Variants in ARHGAP18 observed in about 807,000 individuals in gnomAD.
The protein encoded by ARHGAP18 is Rho GTPase activating protein 18.
Under a neutral mutation model 86.2 loss-of-function variants are expected in ARHGAP18, and 67 were observed. The ratio of observed to expected loss-of-function variants is 0.78; its 90% CI spans 0.64 to 0.95. The LOEUF (loss-of-function observed/expected upper bound fraction) is 0.95, where lower values mean the gene tolerates loss of function less well. Ranked by LOEUF, ARHGAP18 falls within the 40% of genes least tolerant of loss-of-function variation. The pLI, the probability that ARHGAP18 is intolerant of heterozygous loss-of-function variation, is 0.00. For synonymous variants in ARHGAP18, 283 were observed against 280.4 expected, an observed-to-expected ratio of 1.01 and a Z score of -0.09; for missense variants, 691 against 780.4, an observed-to-expected ratio of 0.89 and a Z score of 1.37.
At chr6:129,650,313 A>T (rs1389806587) in intron 1 of ARHGAP18, among the ~76,000 whole-genome samples, 1 of 152,148 alleles carries the variant, frequency 6.6e-6, no homozygotes, top group African/African-American at 2.4e-5. Flanking sequence ...GCCTAGAACG[A>T]AACGAATATG....
Position 129,616,194 on chromosome 6 carries a change from C to T in ARHGAP18, c.1044+18G>A. ...TTAAGTATGTTCTCTCTATGCTGAC[C>T]AATCCAAGCCTACCTACTTTTTGAA... On this transcript the variant is annotated intron_variant, in intron 7 of 14. Transcript: ENST00000368149. 6.3e-7 allele frequency: 1 copy of T among 1,588,750 alleles called. No homozygotes were observed. Among genetic ancestry groups the T allele is most frequent in the Non-Finnish European group, 8.6e-7 (1 of 1,162,904 alleles).
intron 12 of ARHGAP18, among the ~76,000 whole-genome samples, chr6:129,592,594 T>A (rs2114438877): frequency 1.3e-5 from 2 of 152,302 alleles, no homozygotes; most frequent in East Asian, 3.9e-4. Context: ...GCCTTTTGTT[T>A]CCTTGACCTA....
At chr6:129,655,327 A>G (rs1244255248) in intron 1 of ARHGAP18, among the ~76,000 whole-genome samples, 1 of 122,660 alleles carries the variant, frequency 8.2e-6, no homozygotes, top group Non-Finnish European at 1.8e-5. Flanking sequence ...CAAAAAAAAA[A>G]AAAAAAAAAA....
intron 6 of ARHGAP18, among the ~76,000 whole-genome samples, chr6:129,617,499 G>A (rs1254351616): frequency 6.6e-6 from 1 of 152,144 alleles, no homozygotes; most frequent in Non-Finnish European, 1.5e-5. Flanking sequence ...CAAGGGTCTA[G>A]GGTATAACAT....
At chr6:129,642,442 G>A (rs1294477178) in intron 1 of ARHGAP18, among the ~76,000 whole-genome samples, 2 of 151,634 alleles carry the variant, frequency 1.3e-5, no homozygotes, top group East Asian at 3.9e-4. Context: ...ATACCATATT[G>A]CCCAGCTAAT....
chr6:129,616,715 A>C (rs1024491208), intron 6 of ARHGAP18, among the ~76,000 whole-genome samples: 1 of 152,202 alleles, frequency 6.6e-6, no homozygotes, highest in African/African-American at 2.4e-5. Flanking sequence ...TGGGAAGCCA[A>C]GGTGGGAGGA....
chr6:129,600,768 C>G lies in ARHGAP18; in HGVS notation c.1446G>C (p.Met482Ile). ...CATGACACATAAAGAGATTCGGGGC[C>G]ATGACCATTGCTACATTCATGACTG... Reference protein sequence around the residue: ...KMTVMNVAMVMAPNLFMCHAL... With the variant: ...KMTVMNVAMVIAPNLFMCHAL... The change falls in exon 11 of 15, where the codon ATG becomes ATC. Residue 482 changes from methionine (M) to isoleucine (I), a missense_variant. Coordinates refer to ENST00000368149, the MANE Select transcript of ARHGAP18 (RefSeq NM_033515.3). The G allele has an allele frequency of 6.2e-7, 1 of 1,613,728 alleles. No individual in the cohort carries two copies.
intron 1 of ARHGAP18, among the ~76,000 whole-genome samples, chr6:129,706,034 A>T (rs987483065): frequency 5.3e-5 from 8 of 152,226 alleles, no homozygotes; most frequent in Non-Finnish European, 1.2e-4. Flanking sequence ...TATTCAGAGA[A>T]GGCATAAAAA....
chr6:129,620,541 T>C (rs929231583), intron 5 of ARHGAP18, among the ~76,000 whole-genome samples: 4 of 152,234 alleles, frequency 2.6e-5, no homozygotes, highest in African/African-American at 9.6e-5. Flanking sequence ...TTCACTAGTG[T>C]GTACATTTAA....
intron 5 of ARHGAP18, 112 bp downstream of exon 5, chr6:129,629,241 C>T: frequency 2.3e-6 from 2 of 855,468 alleles, no homozygotes; most frequent in African/African-American, 3.7e-5. Context: ...CTGTCTCTCT[C>T]TCTCTCTATA....
chr6:129,588,384 G>A (rs1277705183), intron 12 of ARHGAP18, among the ~76,000 whole-genome samples: 1 of 152,188 alleles, frequency 6.6e-6, no homozygotes, highest in Non-Finnish European at 1.5e-5. Flanking sequence ...CCAGAGTGCT[G>A]GGATAACAGG....
chr6:129,650,362 C>T (rs1004324426), intron 1 of ARHGAP18, among the ~76,000 whole-genome samples: 3 of 152,102 alleles, frequency 2.0e-5, no homozygotes, highest in African/African-American at 4.8e-5. Flanking sequence ...TTCAAAAATT[C>T]ACTTCCTTTT....
At chr6:129,616,853 G>C (rs559986099) in intron 6 of ARHGAP18, among the ~76,000 whole-genome samples, 1 of 152,110 alleles carries the variant, frequency 6.6e-6, no homozygotes, top group Non-Finnish European at 1.5e-5. Flanking sequence ...CTACTTGGGG[G>C]GCTGAGGTTG....
At chr6:129,655,304 A>T (rs1464296809) in intron 1 of ARHGAP18, among the ~76,000 whole-genome samples, 2 of 138,138 alleles carry the variant, frequency 1.4e-5, no homozygotes, top group African/African-American at 5.6e-5. Flanking sequence ...GGGTGACAAG[A>T]GCAAAACTCT....
chr6:129,693,393 C>T (rs1277368140), intron 1 of ARHGAP18, among the ~76,000 whole-genome samples: 1 of 152,170 alleles, frequency 6.6e-6, no homozygotes, highest in East Asian at 1.9e-4. Flanking sequence ...CATGCTGGTT[C>T]CGGAAGACTT....
intron 5 of ARHGAP18, among the ~76,000 whole-genome samples, chr6:129,625,873 TA>T (rs1304825509): frequency 4.9e-5 from 3 of 61,014 alleles, no homozygotes; most frequent in Non-Finnish European, 6.5e-5. Context: ...TATTATATAT[TA>T]TATATTTATA....
chr6:129,631,391 G>GTA (rs1478858938), intron 4 of ARHGAP18, among the ~76,000 whole-genome samples: 1 of 134,120 alleles, frequency 7.5e-6, no homozygotes, highest in Non-Finnish European at 1.7e-5. Context: ...CAAAAGCAAT[G>GTA]CAAAAAAAAA....
intron 12 of ARHGAP18, among the ~76,000 whole-genome samples, chr6:129,588,639 T>C (rs923186763): frequency 6.6e-6 from 1 of 152,342 alleles, no homozygotes; most frequent in Middle Eastern, 3.4e-3. Context: ...TCCTGGGGTC[T>C]GAAGGACAAT....
chr6:129,605,913 G>A lies in ARHGAP18; in HGVS notation c.1329C>T (p.Val443=). Residue 443 remains valine, a synonymous_variant, in exon 10 of 15, where the codon GTC becomes GTT. Coordinates refer to ENST00000368149, the MANE Select transcript of ARHGAP18 (RefSeq NM_033515.3). ...CCCTGTTTGCATCAGGTAGGAGGAT[G>A]ACAAGAAGGTTCAAAGCCTGTAGTT... The part of the protein sequence containing the change: ...KQQLQALNLL[V]ILLPDANRDT... 6.2e-7 allele frequency: 1 copy of A among 1,613,624 alleles called. No homozygotes were observed. Among genetic ancestry groups the A allele is most frequent in the Non-Finnish European group, 8.5e-7 (1 of 1,179,636 alleles).
Sources: allele counts gnomAD v4.1 joint callset (sites outside exome capture counted in the v4.1 genomes callset), GRCh38; gene constraint gnomAD v4.1.1; transcripts MANE v1.5; gene names NCBI Gene and HGNC (gene_info 2026-07-23, HGNC 2026-07-21).